Variants in ARHGEF12 observed in about 807,000 individuals in gnomAD.
The protein encoded by ARHGEF12 is Rho guanine nucleotide exchange factor 12.
Under a neutral mutation model 211.2 loss-of-function variants are expected in ARHGEF12, and 66 were observed. That is an observed-to-expected ratio of 0.31 (90% CI 0.26 to 0.38). ARHGEF12 has a LOEUF of 0.38. Ranked by LOEUF, ARHGEF12 falls within the 10% of genes least tolerant of loss-of-function variation. The pLI is 1.00. For missense variants in ARHGEF12, 1,429 were observed against 1,869.5 expected (o/e 0.76, Z 4.34); for synonymous variants, 592 against 638.4 (o/e 0.93, Z 1.09).
chr11:120,419,106 C>T (rs576187342), intron 4 of ARHGEF12, among the ~76,000 whole-genome samples: 1 of 151,784 alleles, frequency 6.6e-6, no homozygotes, highest in East Asian at 1.9e-4. Context: ...ACTACAGGCA[C>T]CCGCCACCAC....
intron 4 of ARHGEF12, among the ~76,000 whole-genome samples, chr11:120,413,428 G>T (rs1283309250): frequency 1.3e-5 from 2 of 152,162 alleles, no homozygotes. Context: ...CATTAAGTGA[G>T]TTTTGAATGA....
intron 15 of ARHGEF12, among the ~76,000 whole-genome samples, chr11:120,443,208 C>T (rs954892984): frequency 4.0e-5 from 6 of 151,648 alleles, no homozygotes; most frequent in African/African-American, 1.5e-4. Context: ...TTTGTAGAGC[C>T]GGGGTTTCGC....
At position 120,451,666 on chromosome 11, in the gene ARHGEF12, G is replaced by A; in HGVS notation, c.1998G>A (p.Met666Ile). The change falls in exon 22 of 41, where the codon ATG becomes ATA. Residue 666 changes from methionine to isoleucine, a missense_variant. Coordinates refer to ENST00000397843, the MANE Select transcript of ARHGEF12 (RefSeq NM_015313.3). Reference protein sequence around the residue: ...TDAGYLPANSMSSVASGASFS... With the variant: ...TDAGYLPANSISSVASGASFS... ...CTGGATACCTGCCTGCCAATTCCAT[G>A]TCTTCTGTAGCTTCAGGGGCCTCTT... The A allele has an allele frequency of 6.2e-7, 1 of 1,614,122 alleles. No homozygotes were observed. Among genetic ancestry groups the A allele is most frequent in the Non-Finnish European group, 8.5e-7 (1 of 1,180,004 alleles).
intron 1 of ARHGEF12, among the ~76,000 whole-genome samples, chr11:120,338,141 C>T (rs563168908): frequency 1.5e-4 from 23 of 152,322 alleles, no homozygotes; most frequent in African/African-American, 5.1e-4. Context: ...TCCTTGACCA[C>T]ATTTCATTCT....
intron 40 of ARHGEF12, among the ~76,000 whole-genome samples, 190 bp downstream of exon 40, chr11:120,484,697 A>G (rs911109012): frequency 6.6e-6 from 1 of 152,216 alleles, no homozygotes; most frequent in African/African-American, 2.4e-5. Context: ...TCTAAGAGGA[A>G]CTGCAGTTGT....
intron 4 of ARHGEF12, among the ~76,000 whole-genome samples, chr11:120,412,714 A>G (rs544863339): frequency 9.5e-4 from 145 of 152,254 alleles, no homozygotes; most frequent in African/African-American, 3.3e-3. Context: ...AGAGTGACCA[A>G]ACTGGAGTTC....
chr11:120,389,296 C>T (rs1194290162), intron 1 of ARHGEF12, among the ~76,000 whole-genome samples: 1 of 152,134 alleles, frequency 6.6e-6, no homozygotes, highest in Non-Finnish European at 1.5e-5. Flanking sequence ...TTTCCTTGAG[C>T]AAAAGTTTTA....
intron 1 of ARHGEF12, among the ~76,000 whole-genome samples, chr11:120,376,837 C>T (rs1943740688): frequency 6.6e-6 from 1 of 152,104 alleles, no homozygotes; most frequent in Admixed American, 6.6e-5. Flanking sequence ...TTTCTATCTC[C>T]GTGAGTTCAG....
chr11:120,397,885 T>TCTATC (rs1944436493), intron 1 of ARHGEF12, among the ~76,000 whole-genome samples: 1 of 152,220 alleles, frequency 6.6e-6, no homozygotes, highest in African/African-American at 2.4e-5. Context: ...ATTTTAAACA[T>TCTATC]TGTATACAGA....
chr11:120,451,992 A>G (rs1946228264), intron 22 of ARHGEF12, among the ~76,000 whole-genome samples: 2 of 152,218 alleles, frequency 1.3e-5, no homozygotes, highest in South Asian at 2.1e-4. Flanking sequence ...TGCTTGCCTC[A>G]TGCAGCTTTC....
At chr11:120,458,274 GA>G (rs1946424572) in intron 25 of ARHGEF12, 40 bp downstream of exon 25, 1 of 1,606,946 alleles carries the variant, frequency 6.2e-7, no homozygotes, top group Admixed American at 1.7e-5. Context: ...TACAAATACT[GA>G]GTTTTGTCAG....
At chr11:120,337,547 T>G (rs1942389606) in intron 1 of ARHGEF12, 1 of 985,266 alleles carries the variant, frequency 1.0e-6, no homozygotes, top group South Asian at 4.7e-5. Flanking sequence ...GTAGTGTGCA[T>G]TAGGATTGTG....
intron 1 of ARHGEF12, among the ~76,000 whole-genome samples, chr11:120,356,747 A>G (rs1240585659): frequency 6.6e-6 from 1 of 152,166 alleles, no homozygotes; most frequent in African/African-American, 2.4e-5. Flanking sequence ...TCCAAAGATG[A>G]TACCTTCTAT....
At chr11:120,370,881 T>C (rs1159936165) in intron 1 of ARHGEF12, among the ~76,000 whole-genome samples, 1 of 152,110 alleles carries the variant, frequency 6.6e-6, no homozygotes, top group Non-Finnish European at 1.5e-5. Flanking sequence ...AATTTTATAT[T>C]GTTTTGGCTG....
At chr11:120,351,480 TTG>T (rs1565421024) in intron 1 of ARHGEF12, among the ~76,000 whole-genome samples, 2 of 62,132 alleles carry the variant, frequency 3.2e-5, no homozygotes, top group African/African-American at 6.2e-5. Context: ...TTTTTTTTTT[TTG>T]AGACAAAGTC....
At chr11:120,349,168 G>A (rs1488066713) in intron 1 of ARHGEF12, among the ~76,000 whole-genome samples, 1 of 152,176 alleles carries the variant, frequency 6.6e-6, no homozygotes, top group African/African-American at 2.4e-5. Flanking sequence ...TGCATGATTA[G>A]AATTCTTGAG....
At chr11:120,375,572 A>G (rs1279215224) in intron 1 of ARHGEF12, among the ~76,000 whole-genome samples, 2 of 150,942 alleles carry the variant, frequency 1.3e-5, no homozygotes, top group Non-Finnish European at 1.5e-5. Context: ...TTTTAAATAA[A>G]AAGTTTGTTT....
chr11:120,454,779 A>G (rs1946315785), intron 22 of ARHGEF12, among the ~76,000 whole-genome samples: 2 of 152,168 alleles, frequency 1.3e-5, no homozygotes, highest in South Asian at 2.1e-4. Context: ...TTCCATAGAG[A>G]TACTTGAGTG....
intron 30 of ARHGEF12, 87 bp downstream of exon 30, chr11:120,469,475 A>G: frequency 9.1e-7 from 1 of 1,098,180 alleles, no homozygotes; most frequent in Non-Finnish European, 1.3e-6. Flanking sequence ...AGTTGTTAAA[A>G]CTATCATTAC....
Sources: allele counts gnomAD v4.1 joint callset (sites outside exome capture counted in the v4.1 genomes callset), GRCh38; gene constraint gnomAD v4.1.1; transcripts MANE v1.5; gene names NCBI Gene and HGNC (gene_info 2026-07-23, HGNC 2026-07-21).